The following JAK2 variants were observed in gnomAD, a reference collection of about 807,000 sequenced individuals.
JAK2 encodes Janus kinase 2, also known as tyrosine-protein kinase JAK2.
Under a neutral mutation model 139.3 loss-of-function variants are expected in JAK2, and 86 were observed. The ratio of observed to expected loss-of-function variants is 0.62; its 90% CI spans 0.52 to 0.74. The LOEUF (loss-of-function observed/expected upper bound fraction) is 0.74. Ranked by LOEUF, JAK2 falls within the 30% of genes least tolerant of loss-of-function variation. The pLI is 0.00. For missense variants in JAK2, 1,421 were observed against 1,360.3 expected, an observed-to-expected ratio of 1.04 and a Z score of -0.70; for synonymous variants, 490 against 437.7, an observed-to-expected ratio of 1.12 and a Z score of -1.49.
chr9:5,030,962 TATA>T (rs1446722832), intron 4 of JAK2, among the ~76,000 whole-genome samples: 1 of 152,118 alleles, frequency 6.6e-6, no homozygotes, highest in African/African-American at 2.4e-5. Flanking sequence ...CAACCAGTTA[TATA>T]ATAGATAAAG....
intron 2 of JAK2, among the ~76,000 whole-genome samples, chr9:5,008,875 T>C (rs1468160777): frequency 6.6e-6 from 1 of 152,216 alleles, no homozygotes; most frequent in Non-Finnish European, 1.5e-5. Context: ...ATTGATCCTC[T>C]TATTTCTTAC....
At chr9:5,008,545 T>A (rs1417282215) in intron 2 of JAK2, among the ~76,000 whole-genome samples, 1 of 152,138 alleles carries the variant, frequency 6.6e-6, no homozygotes, top group African/African-American at 2.4e-5. Flanking sequence ...AAGGGCCCAT[T>A]TGAGTATGAA....
In JAK2 at chr9:5,080,892, C is replaced by CT. The variant is rs33925764; in HGVS notation, c.2434+230dup. ...TTTCATTTTTATAAAAAGACCTTTT[C>CT]TTTTTTTTTTTTTTTTTTTTTGAGA... On this transcript the variant is annotated intron_variant, in intron 18 of 24. Transcript: ENST00000381652. Among the ~76,000 whole-genome samples the CT allele has an allele frequency of 5.7e-3, 544 of 95,580 alleles. 6 individuals are homozygous for CT. The highest frequency in any genetic ancestry group is 8.1e-3 in the Non-Finnish European group (417 of 51,492). The allele number at this position is 95,580 out of a possible 152,430, so 62.7% of individuals were successfully genotyped here. A position where few individuals can be genotyped will look rare whatever the true frequency, so the allele number is the denominator to read the frequency against.
chr9:5,088,490 A>G lies in JAK2; in HGVS notation c.2572-1184A>G, dbSNP rs1586767978. 3.3e-5 allele frequency among the ~76,000 whole-genome samples: 5 copies of G among 152,266 alleles called. No homozygotes were observed. The South Asian group carries it at 8.3e-4, about 25-fold the overall frequency. Reference sequence around the variant, plus strand: ...AATGTTATAGCAACTTACCAATTCTATGTACTTAATGAGTTTTAGGTAAAA... The same window carrying G: ...AATGTTATAGCAACTTACCAATTCTGTGTACTTAATGAGTTTTAGGTAAAA... On this transcript the variant is annotated intron_variant, in intron 19 of 24. Transcript: ENST00000381652.
Position 5,049,080 on chromosome 9 carries a change from ATAAAG to A in JAK2, c.469-1604_469-1600del, listed in dbSNP as rs1271003731. 2.0e-5 allele frequency among the ~76,000 whole-genome samples: 3 copies of A among 152,172 alleles called. No homozygotes were observed. The East Asian group carries it at 5.8e-4, about 29-fold the overall frequency. On this transcript the variant is annotated intron_variant, in intron 5 of 24. Coordinates refer to ENST00000381652, the MANE Select transcript of JAK2 (RefSeq NM_004972.4). ...TCATTCTTTAGACAATATATAGTTA[ATAAAG>A]TTATCAGCCTTTTTTCAGAATCTTT...
At chr9:5,003,917 A>T (rs963131917) in intron 2 of JAK2, among the ~76,000 whole-genome samples, 1 of 152,078 alleles carries the variant, frequency 6.6e-6, no homozygotes, top group Non-Finnish European at 1.5e-5. Context: ...GTTAAATTTT[A>T]TTAGGAGTAG....
chr9:5,110,755 C>T (rs1423218888), intron 22 of JAK2: 7 of 377,784 alleles, frequency 1.9e-5, no homozygotes, highest in African/African-American at 1.1e-4. Context: ...CTTTGCTCTG[C>T]GGACTGGCCA....
chr9:5,098,784 C>T (rs566256156), intron 22 of JAK2: 1 of 151,922 alleles, frequency 6.6e-6, no homozygotes, highest in South Asian at 2.1e-4. Context: ...AGCTCTGCCT[C>T]CCGGGTTCAC....
intron 8 of JAK2, among the ~76,000 whole-genome samples, chr9:5,058,817 T>C (rs1817956764): frequency 6.6e-6 from 1 of 152,238 alleles, no homozygotes; most frequent in African/African-American, 2.4e-5. Context: ...TTCATATATG[T>C]ATTGCCATTT....
intron 23 of JAK2, chr9:5,125,901 A>G (rs1176535327): frequency 6.6e-6 from 1 of 151,844 alleles, no homozygotes; most frequent in Non-Finnish European, 1.5e-5. Flanking sequence ...TTCCTAGCTT[A>G]TAATTCAGAT....
chr9:5,033,561 C>G lies in JAK2; in HGVS notation c.350+3655C>G, dbSNP rs568710657. ...GATCTCTTGGCAGAAACTCTACAAGCCAGAAGAGAGTGGGGGCCAATATTC... is the reference window on the plus strand; with the variant it reads ...GATCTCTTGGCAGAAACTCTACAAGGCAGAAGAGAGTGGGGGCCAATATTC... On this transcript the variant is annotated intron_variant, in intron 4 of 24. Coordinates refer to ENST00000381652, the MANE Select transcript of JAK2 (RefSeq NM_004972.4). Among the ~76,000 whole-genome samples, 4 of 152,280 alleles carry G rather than the reference C, an allele frequency of 2.6e-5. No homozygotes were observed. The South Asian group carries it at 6.2e-4, about 24-fold the overall frequency.
intron 22 of JAK2, among the ~76,000 whole-genome samples, chr9:5,095,215 C>T (rs989428775): frequency 9.2e-5 from 14 of 152,102 alleles, no homozygotes; most frequent in Non-Finnish European, 7.4e-5. Flanking sequence ...TGGTTATACC[C>T]TTCCCATACT....
At chr9:5,086,062 AG>A in intron 19 of JAK2, 1 of 700,176 alleles carries the variant, frequency 1.4e-6, no homozygotes, top group South Asian at 1.4e-5. Flanking sequence ...AGATTAAAAT[AG>A]GGTATCTGAG....
intron 2 of JAK2, among the ~76,000 whole-genome samples, chr9:5,021,470 A>G (rs1003653326): frequency 6.6e-6 from 1 of 152,210 alleles, no homozygotes; most frequent in African/African-American, 2.4e-5. Flanking sequence ...GTCCACAGGA[A>G]GTTTAAAATG....
intron 22 of JAK2, chr9:5,109,765 G>C (rs993665828): frequency 6.6e-6 from 1 of 152,068 alleles, no homozygotes; most frequent in Non-Finnish European, 1.5e-5. Flanking sequence ...AGCACTATTT[G>C]TTACCTGTAG....
At position 5,066,772 on chromosome 9, in the gene JAK2, T is replaced by C. The variant is rs762640151; in HGVS notation, c.1309T>C (p.Leu437=). The C allele has an allele frequency of 5.8e-6, 9 of 1,556,282 alleles. No homozygotes were observed. The highest frequency in any genetic ancestry group is 6.9e-6 in the Non-Finnish European group (8 of 1,151,858). ...TCCTAAGGACTTTAATAAATATTTT[T>C]TGACTTTTGCTGTCGAGGTTAGTAT... The part of the protein sequence containing the change: ...CSPKDFNKYF[L]TFAVERENVI... Residue 437 remains leucine (L), a synonymous_variant, in exon 10 of 25, where the codon TTG becomes CTG. Coordinates refer to ENST00000381652, the MANE Select transcript of JAK2 (RefSeq NM_004972.4).
In JAK2 at chr9:5,089,817, A is replaced by G. The variant is rs971129534; in HGVS notation, c.2715A>G (p.Leu905=). The change falls in exon 20 of 25, where the codon CTA becomes CTG. Residue 905 remains leucine (L), a synonymous_variant. Transcript: ENST00000381652. The stretch of plus-strand genomic sequence containing the variant: ...GGGAAATTGAAATCCTGAAATCCCT[A>G]CAGCATGACAACATTGTAAAGTACA... ...FEREIEILKS[L]QHDNIVKYKG... The G allele has an allele frequency of 6.3e-7, 1 of 1,593,466 alleles. No homozygotes were observed. Among genetic ancestry groups the G allele is most frequent in the Non-Finnish European group, 8.5e-7 (1 of 1,170,290 alleles).
intron 18 of JAK2, among the ~76,000 whole-genome samples, chr9:5,081,269 T>G (rs1819683531): frequency 6.6e-6 from 1 of 151,412 alleles, no homozygotes; most frequent in Non-Finnish European, 1.5e-5. Context: ...ATTTTTTTTT[T>G]GCTTAAATTG....
chr9:5,089,533 G>C (rs1392786925), intron 19 of JAK2, 141 bp from the exon 20 acceptor site: 2 of 302,236 alleles, frequency 6.6e-6, no homozygotes, highest in African/African-American at 8.8e-5. Flanking sequence ...GCGAGACTTC[G>C]TCTCAAAAAA....
Sources: gnomAD v4.1 joint callset for allele counts (sites outside exome capture counted in the v4.1 genomes callset) on GRCh38, gnomAD v4.1.1 for gene constraint, MANE v1.5 for transcripts, NCBI Gene and HGNC (gene_info 2026-07-23, HGNC 2026-07-21) for gene names.